Variants in CFAP263 observed in about 807,000 individuals in gnomAD.
CFAP263 encodes cilia and flagella associated protein 263, also known as cilia- and flagella-associated protein 263.
At chr16:58,260,062 A>G in the CFAP263 span, 2 of 592,016 alleles carry the variant, frequency 3.4e-6, no homozygotes, top group South Asian at 5.2e-5. Context: ...ACATTAACTT[A>G]CATGGCAAAA....
At chr16:58,274,382 G>A in the CFAP263 span, among the ~76,000 whole-genome samples, 1 of 152,164 alleles carries the variant, frequency 6.6e-6, no homozygotes, top group Non-Finnish European at 1.5e-5. Flanking sequence ...GTTCCAAATA[G>A]AGTCCCCTTG....
At chr16:58,249,990 T>A in the CFAP263 span, 1 of 1,509,608 alleles carries the variant, frequency 6.6e-7, no homozygotes, top group Middle Eastern at 1.7e-4. Context: ...CACACGGCAT[T>A]GGCAGGGGCC....
chr16:58,255,399 G>A, the CFAP263 span, among the ~76,000 whole-genome samples: 391 of 152,118 alleles, frequency 2.6e-3, 2 homozygotes, highest in African/African-American at 8.2e-3. Flanking sequence ...TCTTCCCCCC[G>A]CCCAGTCCAC....
the CFAP263 span, chr16:58,258,487 A>G: frequency 6.2e-7 from 1 of 1,614,172 alleles, no homozygotes; most frequent in Non-Finnish European, 8.5e-7. Context: ...CCACTCAGAA[A>G]GTGATGAAAT....
chr16:58,253,311 T>C, the CFAP263 span, among the ~76,000 whole-genome samples: 1 of 151,556 alleles, frequency 6.6e-6, no homozygotes, highest in African/African-American at 2.4e-5. Context: ...AGCCCAGGAG[T>C]TTGAGGCTGC....
At chr16:58,261,779 G>T in the CFAP263 span, among the ~76,000 whole-genome samples, 1 of 152,160 alleles carries the variant, frequency 6.6e-6, no homozygotes, top group Admixed American at 6.5e-5. Flanking sequence ...TCCCAAGTTG[G>T]GCTGTTGTCT....
chr16:58,258,280 AAG>A, the CFAP263 span: 1 of 1,179,958 alleles, frequency 8.5e-7, no homozygotes, highest in Non-Finnish European at 1.2e-6. Context: ...TTGGGACACA[AAG>A]AGGCCTGGGA....
At chr16:58,266,403 A>ATTTTT in the CFAP263 span, among the ~76,000 whole-genome samples, 1 of 29,450 alleles carries the variant, frequency 3.4e-5, no homozygotes. Context: ...ATATATATAT[A>ATTTTT]TATTTTTTTT....
chr16:58,267,500 G>A, the CFAP263 span: 1 of 1,613,582 alleles, frequency 6.2e-7, no homozygotes, highest in Non-Finnish European at 8.5e-7. Context: ...CAAGGCAATG[G>A]AAATATACCT....
At chr16:58,282,140 C>T in the CFAP263 span, 6 of 152,020 alleles carry the variant, frequency 3.9e-5, no homozygotes, top group African/African-American at 1.5e-4. Flanking sequence ...TCCCCAGTAG[C>T]TGGGATTACA....
chr16:58,278,564 T>C, the CFAP263 span: 1 of 1,613,992 alleles, frequency 6.2e-7, no homozygotes, highest in South Asian at 1.1e-5. Flanking sequence ...ATGACTTACG[T>C]CCGGGAGAAG....
At chr16:58,269,981 T>G in the CFAP263 span, among the ~76,000 whole-genome samples, 2 of 152,200 alleles carry the variant, frequency 1.3e-5, no homozygotes, top group Non-Finnish European at 2.9e-5. Flanking sequence ...AGGGTTCCAG[T>G]TTTTGTACAT....
chr16:58,262,763 GTAGA>G, the CFAP263 span, among the ~76,000 whole-genome samples: 7,457 of 78,426 alleles, frequency 0.095, 384 homozygotes, highest in African/African-American at 0.24. Flanking sequence ...TAGATGATAG[GTAGA>G]TAGATAGATA....
chr16:58,255,181 GC>G, the CFAP263 span, among the ~76,000 whole-genome samples: 1 of 152,180 alleles, frequency 6.6e-6, no homozygotes, highest in Non-Finnish European at 1.5e-5. Context: ...AGGCCCTAGA[GC>G]CCCCAGGAAG....
chr16:58,259,763 GT>G, the CFAP263 span: 2 of 725,508 alleles, frequency 2.8e-6, no homozygotes, highest in Non-Finnish European at 4.5e-6. Flanking sequence ...TCAAGGTTTG[GT>G]TTGCAGCCCC....
chr16:58,278,652 G>GC, the CFAP263 span: 48 of 1,612,928 alleles, frequency 3.0e-5, no homozygotes, highest in Non-Finnish European at 3.9e-5. Context: ...GCCACGGGGA[G>GC]CCCCAAGATG....
chr16:58,266,929 A>G, the CFAP263 span, among the ~76,000 whole-genome samples: 1 of 152,120 alleles, frequency 6.6e-6, no homozygotes, highest in East Asian at 1.9e-4. Context: ...GTATGGGCTC[A>G]ATTCCCGGCT....
chr16:58,280,754 C>T, the CFAP263 span: 11 of 1,598,678 alleles, frequency 6.9e-6, no homozygotes, highest in Admixed American at 1.4e-4. Flanking sequence ...CTTCCTGGGT[C>T]CCCCTGTGAT....
the CFAP263 span, among the ~76,000 whole-genome samples, chr16:58,251,094 T>C: frequency 6.6e-6 from 1 of 152,210 alleles, no homozygotes; most frequent in Non-Finnish European, 1.5e-5. Context: ...ACAAATACTT[T>C]AGGTCAGAAC....
Sources: gnomAD v4.1 joint callset for allele counts (sites outside exome capture counted in the v4.1 genomes callset) on GRCh38, gnomAD v4.1.1 for gene constraint, MANE v1.5 for transcripts, NCBI Gene and HGNC (gene_info 2026-07-23, HGNC 2026-07-21) for gene names.